PADI1: variants seen among roughly 807,000 people sequenced by gnomAD.
PADI1 encodes protein-arginine deiminase type-1.
Under a neutral mutation model 74.8 loss-of-function variants are expected in PADI1, and 65 were observed. The observed-to-expected ratio is 0.87, with a 90% CI of 0.71 to 1.07. PADI1 has a LOEUF of 1.07. Among genes scored for constraint, PADI1 ranks in the 50% least tolerant of loss-of-function variants. The pLI, the probability that PADI1 is intolerant of heterozygous loss-of-function variation, is 0.00. For missense variants in PADI1, 943 were observed against 854.0 expected, an observed-to-expected ratio of 1.10 and a Z score of -1.30; for synonymous variants, 371 against 336.2, an observed-to-expected ratio of 1.10 and a Z score of -1.13.
At chr1:17,226,517 T>C (rs532929351) in intron 6 of PADI1, among the ~76,000 whole-genome samples, 21 of 152,272 alleles carry the variant, frequency 1.4e-4, no homozygotes, top group African/African-American at 5.1e-4. Flanking sequence ...TGCCAAGCAC[T>C]GTCCAGGCAG....
Position 17,238,615 on chromosome 1 carries a change from G to T in PADI1, c.1459-1G>T, listed in dbSNP as rs747282761. ...AGCCATTCTCCCTCCCTCCGTGCCA[G>T]GGCTTCCGGCTGCTCCTGGCTAGCC... On this transcript the variant is annotated splice_acceptor_variant, in intron 12 of 15. Transcript: ENST00000375471. LOFTEE classifies it high-confidence loss of function. 2.0e-6 allele frequency: 3 copies of T among 1,492,542 alleles called. No individual in the cohort carries two copies. Among genetic ancestry groups the T allele is most frequent in the South Asian group, 1.3e-5 (1 of 76,136 alleles). 92.5% of individuals were successfully genotyped at this position (1,492,542 alleles called of 1,614,324 possible).
intron 11 of PADI1, among the ~76,000 whole-genome samples, chr1:17,235,157 G>C (rs1021279555): frequency 7.2e-6 from 1 of 139,518 alleles, no homozygotes; most frequent in African/African-American, 2.6e-5. Flanking sequence ...GGGAGGGAGG[G>C]AGGGAGGAAG....
At chr1:17,234,512 A>G (rs2072580789) in intron 11 of PADI1, among the ~76,000 whole-genome samples, 1 of 152,196 alleles carries the variant, frequency 6.6e-6, no homozygotes, top group Non-Finnish European at 1.5e-5. Flanking sequence ...TACCTACTAC[A>G]TGTCACACCC....
chr1:17,211,961 C>T (rs1013484668), intron 1 of PADI1, among the ~76,000 whole-genome samples: 2 of 152,250 alleles, frequency 1.3e-5, no homozygotes, highest in East Asian at 3.8e-4. Context: ...TGATTTGTCT[C>T]TGCTTTCCTG....
intron 12 of PADI1, among the ~76,000 whole-genome samples, chr1:17,237,984 A>T (rs1431847192): frequency 6.6e-6 from 1 of 152,212 alleles, no homozygotes; most frequent in Non-Finnish European, 1.5e-5. Flanking sequence ...CAGTGGTTAC[A>T]GCTCTGCTAG....
At chr1:17,233,031 C>G in intron 11 of PADI1, 61 bp downstream of exon 11, 4 of 1,402,578 alleles carry the variant, frequency 2.9e-6, no homozygotes, top group Non-Finnish European at 3.8e-6. Context: ...TCCACCCTCC[C>G]TGTGCCCCCA....
intron 1 of PADI1, among the ~76,000 whole-genome samples, chr1:17,220,121 G>A (rs991363066): frequency 1.3e-5 from 2 of 151,172 alleles, no homozygotes; most frequent in South Asian, 2.1e-4. Flanking sequence ...TGTAAGGCCA[G>A]GAGTGGGGGA....
In PADI1 at chr1:17,228,795, G is replaced by T; in HGVS notation, c.823G>T (p.Gly275Trp). The T allele has an allele frequency of 6.2e-7, 1 of 1,613,930 alleles. No individual in the cohort carries two copies. Among genetic ancestry groups the T allele is most frequent in the Non-Finnish European group, 8.5e-7 (1 of 1,179,944 alleles). Residue 275 changes from glycine (G) to tryptophan (W), a missense_variant and splice_region_variant, in exon 7 of 16, where the codon GGG becomes TGG. Coordinates refer to ENST00000375471, the MANE Select transcript of PADI1 (RefSeq NM_013358.3). The stretch of plus-strand genomic sequence containing the variant: ...CCTCAGTGTCAGCCTGGTGGACCCG[G>T]GGGTGTGTACAGCACTGGGGGGTGG... ...VSLSVSLVDP[G>W]TLPEVTLFTD...
Position 17,205,326 on chromosome 1 carries a change from G to A in PADI1, c.92+17G>A, listed in dbSNP as rs375497673. 72 of 1,594,312 alleles carry A rather than the reference G, an allele frequency of 4.5e-5. No individual in the cohort carries two copies. Among genetic ancestry groups the A allele is most frequent in the Non-Finnish European group, 5.0e-5 (58 of 1,162,418 alleles). ...CATTCACAGGTAAGAGCTGGGAGGC[G>A]CTCTCCTGGCTGCAGAGAGCTGGGT... On this transcript the variant is annotated intron_variant, in intron 1 of 15. Coordinates refer to ENST00000375471, the MANE Select transcript of PADI1 (RefSeq NM_013358.3).
At chr1:17,240,899 A>C in intron 15 of PADI1, 139 bp downstream of exon 15, 1 of 1,016,846 alleles carries the variant, frequency 9.8e-7, no homozygotes, top group Non-Finnish European at 1.4e-6. Flanking sequence ...AATATAGAGA[A>C]CATTCCCATC....
intron 15 of PADI1, among the ~76,000 whole-genome samples, chr1:17,242,550 C>T (rs1184114029): frequency 6.6e-6 from 1 of 152,128 alleles, no homozygotes; most frequent in Non-Finnish European, 1.5e-5. Context: ...TGTGGTCTGG[C>T]CTCCATCTGC....
intron 1 of PADI1, among the ~76,000 whole-genome samples, chr1:17,216,301 A>C (rs56852811): frequency 0.043 from 6,493 of 152,204 alleles, 242 homozygotes; most frequent in African/African-American, 0.1. Flanking sequence ...CCTATGATAA[A>C]AATCCACATG....
intron 13 of PADI1, among the ~76,000 whole-genome samples, 163 bp downstream of exon 13, chr1:17,238,872 G>A (rs981757521): frequency 1.3e-5 from 2 of 152,126 alleles, no homozygotes; most frequent in African/African-American, 4.8e-5. Flanking sequence ...GGAGTTCCTG[G>A]GCCACACCCC....
Position 17,244,121 on chromosome 1 carries a change from G to A in PADI1, c.1870G>A (p.Gly624Ser). The A allele has an allele frequency of 6.2e-7, 1 of 1,614,182 alleles. No homozygotes were observed. Among genetic ancestry groups the A allele is most frequent in the Non-Finnish European group, 8.5e-7 (1 of 1,180,016 alleles). Reference protein sequence around the residue: ...EKVQSLLEPLGLHCIFIDDYL... With the variant: ...EKVQSLLEPLSLHCIFIDDYL... ...GGTGCAGTCCCTGCTGGAGCCTCTG[G>A]GCCTGCACTGCATCTTCATTGATGA... The change falls in exon 16 of 16, where the codon GGC becomes AGC. Residue 624 changes from glycine (G) to serine (S), a missense_variant. Coordinates refer to ENST00000375471, the MANE Select transcript of PADI1 (RefSeq NM_013358.3).
chr1:17,244,062 C>T lies in PADI1; in HGVS notation c.1811C>T (p.Pro604Leu), dbSNP rs779902994. The change falls in exon 16 of 16, where the codon CCC becomes CTC. Residue 604 changes from proline (P) to leucine (L), a missense_variant. Transcript: ENST00000375471. ...CTGGGCATCCCCAAGCCCTACGGGC[C>T]CATCATCAATGGCCGCTGCTGCCTG... ...KYLGIPKPYG[P>L]IINGRCCLEE... 1 of 1,614,218 alleles carries T rather than the reference C, an allele frequency of 6.2e-7. No homozygotes were observed. The highest frequency in any genetic ancestry group is 1.7e-5 in the Admixed American group (1 of 60,018).
Position 17,205,231 on chromosome 1 carries a change from G to A in PADI1, c.14G>A (p.Arg5Lys), listed in dbSNP as rs760564821. 1 of 1,614,078 alleles carries A rather than the reference G, an allele frequency of 6.2e-7. No homozygotes were observed. The highest frequency in any genetic ancestry group is 8.5e-7 in the Non-Finnish European group (1 of 1,179,984). Residue 5 changes from arginine to lysine, a missense_variant, in exon 1 of 16, where the codon AGA becomes AAA. Coordinates refer to ENST00000375471, the MANE Select transcript of PADI1 (RefSeq NM_013358.3). ...CCAGGTGACAGGATGGCCCCAAAGAGAGTTGTGCAGCTGTCCCTGAAGATG... is the reference window on the plus strand; with the variant it reads ...CCAGGTGACAGGATGGCCCCAAAGAAAGTTGTGCAGCTGTCCCTGAAGATG... MAPK[R>K]VVQLSLKMPT...
chr1:17,234,657 C>G (rs1569835597), intron 11 of PADI1, among the ~76,000 whole-genome samples: 2 of 152,222 alleles, frequency 1.3e-5, no homozygotes, highest in African/African-American at 4.8e-5. Context: ...TTCATACATT[C>G]ATTTACCAGT....
At chr1:17,226,688 C>T (rs942304403) in intron 6 of PADI1, among the ~76,000 whole-genome samples, 3 of 152,196 alleles carry the variant, frequency 2.0e-5, no homozygotes, top group South Asian at 2.1e-4. Flanking sequence ...CTTTGGGAGG[C>T]GGATCACCTG....
chr1:17,226,279 C>G (rs969381741), intron 6 of PADI1, 121 bp downstream of exon 6: 1 of 1,081,552 alleles, frequency 9.2e-7, no homozygotes, highest in Non-Finnish European at 1.4e-6. Context: ...TACAAACAAC[C>G]ACTCCATCAG....
Sources: gnomAD v4.1 joint callset for allele counts (sites outside exome capture counted in the v4.1 genomes callset) on GRCh38, gnomAD v4.1.1 for gene constraint, MANE v1.5 for transcripts, NCBI Gene and HGNC (gene_info 2026-07-23, HGNC 2026-07-21) for gene names.